The following DNPEP variants were observed in gnomAD, a reference collection of about 807,000 sequenced individuals.
The protein encoded by DNPEP is aspartyl aminopeptidase.
Under a neutral mutation model 59.1 loss-of-function variants are expected in DNPEP, and 46 were observed. The observed-to-expected ratio is 0.78, with a 90% CI of 0.61 to 0.99. DNPEP has a LOEUF of 0.99. Among genes scored for constraint, DNPEP ranks in the 50% least tolerant of loss-of-function variants. DNPEP has a pLI of 0.00. For missense variants in DNPEP, 617 were observed against 649.9 expected, an observed-to-expected ratio of 0.95 and a Z score of 0.55; for synonymous variants, 229 against 242.2, an observed-to-expected ratio of 0.95 and a Z score of 0.50.
At chr2:219,388,627 A>C, upstream of DNPEP, 1 of 916,434 alleles carries the variant, frequency 1.1e-6, no homozygotes, top group Non-Finnish European at 1.3e-6. Context: ...CGGAGGTGCT[A>C]GGACAGCCGC....
At chr2:219,388,386 T>TCGCCAGGCTGCTCCACC, upstream of DNPEP, 1 of 24,446 alleles carries the variant, frequency 4.1e-5, no homozygotes, top group Non-Finnish European at 7.8e-5. Flanking sequence ...GCCCCGCTCC[T>TCGCCAGGCTGCTCCACC]CGCCAGGCTG....
At chr2:219,386,218 G>T (rs527251540) in intron 5 of DNPEP, 68 bp downstream of exon 5, 2 of 1,611,320 alleles carry the variant, frequency 1.2e-6, no homozygotes, top group African/African-American at 1.3e-5. Flanking sequence ...TCTTCCCCAC[G>T]GGTACCCTGA....
At position 219,374,908 on chromosome 2, in the gene DNPEP, T is replaced by G. The variant is rs1402536539; in HGVS notation, c.1354A>C (p.Ile452Leu). ...LGSPQLAMHSIREMACTTGVL... is the reference protein window; with the variant it reads ...LGSPQLAMHSLREMACTTGVL... Reference sequence around the variant, plus strand: ...CCTGTGGTGCAGGCCATCTCCCGGATAGAGTGCATGGCCAGTTGGGGGCTG... The same window carrying G: ...CCTGTGGTGCAGGCCATCTCCCGGAGAGAGTGCATGGCCAGTTGGGGGCTG... Residue 452 changes from isoleucine (I) to leucine (L), a missense_variant, in exon 14 of 15, where the codon ATC becomes CTC. Coordinates refer to ENST00000273075, the MANE Select transcript of DNPEP (RefSeq NM_012100.4). 4.3e-6 allele frequency: 7 copies of G among 1,613,952 alleles called. No homozygotes were observed. The Admixed American group carries it at 5.0e-5, about 12-fold the overall frequency.
Position 219,386,334 on chromosome 2 carries a change from G to A in DNPEP, c.411C>T (p.Ser137=). 5 of 1,614,188 alleles carry A rather than the reference G, an allele frequency of 3.1e-6. No individual in the cohort carries two copies. The highest frequency in any genetic ancestry group is 4.2e-6 in the Non-Finnish European group (5 of 1,180,030). Residue 137 remains serine, a synonymous_variant, in exon 5 of 15, where the codon AGC becomes AGT. Transcript: ENST00000273075. ...GAGTCAGGTCACGGTCAAACCAGGT[G>A]CTCCAGATCCCACCACCATAGGTCT... is the stretch of plus-strand genomic sequence containing the variant. ...GVETYGGGIW[S]TWFDRDLTLA...
At chr2:219,380,521 C>T (rs142710627) in intron 13 of DNPEP, among the ~76,000 whole-genome samples, 8 of 152,116 alleles carry the variant, frequency 5.3e-5, no homozygotes, top group South Asian at 2.1e-4. Context: ...CACGCCTGGC[C>T]TTCTGTACCT....
In DNPEP at chr2:219,386,952, G is replaced by A; in HGVS notation, c.159C>T (p.Leu53=). ...HAVAECRNRL[L]QAGFSELKET... ...CCTTGAGTTCACTGAAGCCAGCCTG[G>A]AGAAGGCGGTTGCGGCATTCAGCCA... The change falls in exon 3 of 15, where the codon CTC becomes CTT. Residue 53 remains leucine, a synonymous_variant. Transcript: ENST00000273075. 1 of 1,613,976 alleles carries A rather than the reference G, an allele frequency of 6.2e-7. No homozygotes were observed. The highest frequency in any genetic ancestry group is 8.5e-7 in the Non-Finnish European group (1 of 1,179,982).
At chr2:219,383,925 CT>C (rs373870427) in intron 9 of DNPEP, among the ~76,000 whole-genome samples, 230 of 152,284 alleles carry the variant, frequency 1.5e-3, no homozygotes, top group African/African-American at 4.9e-3. Flanking sequence ...ATCAAGGTGA[CT>C]AGGAAGAGAG....
upstream of DNPEP, among the ~76,000 whole-genome samples, chr2:219,392,840 C>T (rs1954040368): frequency 6.6e-6 from 1 of 152,006 alleles, no homozygotes; most frequent in Non-Finnish European, 1.5e-5. Context: ...CCTACCTTTC[C>T]CTATTCCTCA....
chr2:219,381,694 G>T, intron 11 of DNPEP, 110 bp from the exon 12 acceptor site: 1 of 1,263,408 alleles, frequency 7.9e-7, no homozygotes, highest in Non-Finnish European at 1.2e-6. Flanking sequence ...TTCCCGCCCA[G>T]CCCAGTGGGA....
At chr2:219,379,487 G>A (rs748145215) in intron 13 of DNPEP, among the ~76,000 whole-genome samples, 31 of 151,764 alleles carry the variant, frequency 2.0e-4, no homozygotes, top group Non-Finnish European at 3.5e-4. Context: ...TAAAAATAAC[G>A]AAAAATTTTA....
chr2:219,383,098 C>T, intron 10 of DNPEP, 33 bp downstream of exon 10: 1 of 1,599,080 alleles, frequency 6.3e-7, no homozygotes, highest in Non-Finnish European at 8.6e-7. Flanking sequence ...GAAGACTCCG[C>T]AGAGGTGACC....
chr2:219,386,992 G>C lies in DNPEP; in HGVS notation c.131-12C>G, dbSNP rs1374526826. The C allele has an allele frequency of 2.5e-6, 4 of 1,613,888 alleles. No homozygotes were observed. The highest frequency in any genetic ancestry group is 3.4e-6 in the Non-Finnish European group (4 of 1,179,910). On this transcript the variant is annotated splice_polypyrimidine_tract_variant and intron_variant, in intron 2 of 14. Transcript: ENST00000273075. ...GCATTCAGCCACAGCTGTGGGAAAA[G>C]CACCCTCTCACAGCGATGGAAGCTG...
At chr2:219,392,296 T>C (rs1384862924), upstream of DNPEP, among the ~76,000 whole-genome samples, 1 of 152,190 alleles carries the variant, frequency 6.6e-6, no homozygotes, top group East Asian at 1.9e-4. Flanking sequence ...TGCGTGAACA[T>C]AGAAGTCAGT....
intron 1 of DNPEP, among the ~76,000 whole-genome samples, chr2:219,394,564 C>T (rs573625549): frequency 2.1e-3 from 323 of 152,208 alleles, no homozygotes; most frequent in African/African-American, 7.4e-3. Context: ...GCATGAGCCA[C>T]GGTGCCTGGC....
intron 1 of DNPEP, among the ~76,000 whole-genome samples, chr2:219,397,041 A>C (rs1954109232): frequency 6.6e-6 from 1 of 152,218 alleles, no homozygotes; most frequent in Admixed American, 6.5e-5. Flanking sequence ...CAAAGGTCTT[A>C]AGATGTATCC....
Position 219,374,857 on chromosome 2 carries a change from T to G in DNPEP, c.1405A>C (p.Lys469Gln). The G allele has an allele frequency of 6.2e-7, 1 of 1,612,844 alleles. No homozygotes were observed. Among genetic ancestry groups the G allele is most frequent in the Non-Finnish European group, 8.5e-7 (1 of 1,179,050 alleles). The change falls in exon 14 of 15, where the codon AAG (lysine) becomes CAG (glutamine). Residue 469 changes from lysine (K) to glutamine (Q), a missense_variant and splice_region_variant. Transcript: ENST00000273075. ...AGAGGGTCTGGGGTGGGTGTTACCT[T>G]GAAGAGGGTGAGGGTCTGGAGGACT... ...TGVLQTLTLF[K>Q]GFFELFPSLS...
At chr2:219,384,468 G>C in intron 8 of DNPEP, 25 bp from the exon 9 acceptor site, 1 of 1,590,476 alleles carries the variant, frequency 6.3e-7, no homozygotes, top group Non-Finnish European at 8.6e-7. Flanking sequence ...CAGTCAGCCC[G>C]ACCTTCAACC....
intron 11 of DNPEP, 59 bp from the exon 12 acceptor site, chr2:219,381,643 C>T: frequency 2.6e-6 from 4 of 1,549,670 alleles, no homozygotes; most frequent in Non-Finnish European, 3.6e-6. Context: ...TCGACACTCA[C>T]CACCCTCCCA....
At position 219,383,136 on chromosome 2, in the gene DNPEP, C is replaced by T. The variant is rs1346102382; in HGVS notation, c.931G>A (p.Glu311Lys). ...HVRMVTLYDNEEVGSESAQGA... is the reference protein window; with the variant it reads ...HVRMVTLYDNKEVGSESAQGA... ...CCCCAGAACCCTCCACGTACCTCTT[C>T]GTTGTCATAGAGTGTGACCATGCGC... The change falls in exon 10 of 15, where the codon GAA becomes AAA. Residue 311 changes from glutamate to lysine, a missense_variant. By Grantham distance (56) the Glu-to-Lys change is moderately conservative (BLOSUM62 1). Transcript: ENST00000273075. The T allele has an allele frequency of 3.1e-6, 5 of 1,613,974 alleles. No homozygotes were observed. The highest frequency in any genetic ancestry group is 4.5e-5 in the East Asian group (2 of 44,886).
Sources: gnomAD v4.1 joint callset for allele counts (sites outside exome capture counted in the v4.1 genomes callset) on GRCh38, gnomAD v4.1.1 for gene constraint, MANE v1.5 for transcripts, NCBI Gene and HGNC (gene_info 2026-07-23, HGNC 2026-07-21) for gene names.